Variants in PPP3CA observed in about 807,000 individuals in gnomAD.
PPP3CA encodes the protein CAM-PRP catalytic subunit.
A neutral mutation model predicts 66.5 loss-of-function variants in PPP3CA; 14 were observed. The ratio of observed to expected loss-of-function variants is 0.21; its 90% CI spans 0.14 to 0.33. The LOEUF (loss-of-function observed/expected upper bound fraction) is 0.33. PPP3CA is among the 10% of genes least tolerant of loss of function. The pLI, the probability that PPP3CA is intolerant of heterozygous loss-of-function variation, is 1.00. For missense variants in PPP3CA, 317 were observed against 639.5 expected (o/e 0.50, Z 5.44); for synonymous variants, 232 against 226.2 (o/e 1.03, Z -0.23).
At chr4:101,198,303 C>G (rs1166266787) in intron 1 of PPP3CA, among the ~76,000 whole-genome samples, 1 of 151,964 alleles carries the variant, frequency 6.6e-6, no homozygotes, top group Non-Finnish European at 1.5e-5. Context: ...TTATGCAGGT[C>G]TTTATGTATG....
At chr4:101,217,503 T>C (rs1725494000) in intron 1 of PPP3CA, among the ~76,000 whole-genome samples, 1 of 152,150 alleles carries the variant, frequency 6.6e-6, no homozygotes, top group African/African-American at 2.4e-5. Context: ...TACAGTGTAG[T>C]GTTTACTGGC....
chr4:101,163,174 T>C (rs1527351), intron 2 of PPP3CA, among the ~76,000 whole-genome samples: 60,047 of 152,066 alleles, frequency 0.39, 13,090 homozygotes, highest in African/African-American at 0.58. Context: ...AGGCATTTCC[T>C]GCATTTGTGC....
intron 2 of PPP3CA, among the ~76,000 whole-genome samples, chr4:101,116,655 T>A (rs1017150855): frequency 4.0e-5 from 6 of 151,846 alleles, no homozygotes; most frequent in African/African-American, 1.4e-4. Context: ...AGACAATTAC[T>A]CAGATAAAGG....
At position 101,237,390 on chromosome 4, in the gene PPP3CA, A is replaced by T. The variant is rs559789189; in HGVS notation, c.59-41274T>A. On this transcript the variant is annotated intron_variant, in intron 1 of 13. Coordinates refer to ENST00000394854, the MANE Select transcript of PPP3CA (RefSeq NM_000944.5). ...TGAGTTGAGTATTAATAGGCATTTC[A>T]GTTATTGAGTAGCTAAAACAATGTC... is the stretch of plus-strand genomic sequence containing the variant. 3.2e-4 allele frequency among the ~76,000 whole-genome samples: 49 copies of T among 152,118 alleles called. No individual in the cohort carries two copies. The South Asian group carries it at 1.0e-2, about 31-fold the overall frequency.
intron 1 of PPP3CA, among the ~76,000 whole-genome samples, chr4:101,243,264 C>T (rs985778477): frequency 6.6e-6 from 1 of 152,204 alleles, no homozygotes; most frequent in Non-Finnish European, 1.5e-5. Flanking sequence ...CACACATGCA[C>T]ACATGAACAC....
chr4:101,334,121 T>C (rs759871836), intron 1 of PPP3CA, among the ~76,000 whole-genome samples: 18 of 150,494 alleles, frequency 1.2e-4, no homozygotes, highest in Middle Eastern at 3.2e-3. Context: ...TAAGGACATA[T>C]AGAAAACCAA....
intron 2 of PPP3CA, among the ~76,000 whole-genome samples, chr4:101,126,775 C>T (rs1447647931): frequency 6.6e-6 from 1 of 152,074 alleles, no homozygotes; most frequent in Non-Finnish European, 1.5e-5. Flanking sequence ...ATTCTCATTC[C>T]CAGAAGATCT....
intron 8 of PPP3CA, among the ~76,000 whole-genome samples, chr4:101,076,976 G>A (rs531382592): frequency 6.6e-6 from 1 of 152,324 alleles, no homozygotes; most frequent in Non-Finnish European, 1.5e-5. Flanking sequence ...TGGCAGAGCT[G>A]AGATTCAAAC....
intron 1 of PPP3CA, among the ~76,000 whole-genome samples, chr4:101,203,546 A>C (rs1363036751): frequency 6.6e-6 from 1 of 152,212 alleles, no homozygotes. Context: ...GGTATTAATA[A>C]TTAATTAGAG....
intron 2 of PPP3CA, among the ~76,000 whole-genome samples, chr4:101,143,987 G>A (rs112695279): frequency 0.05 from 7,599 of 152,046 alleles, 243 homozygotes; most frequent in Middle Eastern, 0.11. Flanking sequence ...CATAAACCAG[G>A]GAACTGAAAA....
intron 11 of PPP3CA, 36 bp from the exon 12 acceptor site, chr4:101,032,400 A>G: frequency 6.5e-7 from 1 of 1,537,796 alleles, no homozygotes; most frequent in African/African-American, 1.4e-5. Context: ...TTAACTTTTA[A>G]TTTCTTTTGT....
At chr4:101,163,547 T>C (rs1723589070) in intron 2 of PPP3CA, among the ~76,000 whole-genome samples, 1 of 152,158 alleles carries the variant, frequency 6.6e-6, no homozygotes, top group Non-Finnish European at 1.5e-5. Context: ...CCTTTCTTAT[T>C]CCCACCCTTT....
Position 101,099,718 on chromosome 4 carries a change from A to G in PPP3CA, c.389T>C (p.Val130Ala). 1.3e-6 allele frequency: 2 copies of G among 1,482,230 alleles called. No homozygotes were observed. Among genetic ancestry groups the G allele is most frequent in the Non-Finnish European group, 1.8e-6 (2 of 1,103,028 alleles). 91.8% of individuals were successfully genotyped at this position (1,482,230 alleles called of 1,614,324 possible). The stretch of plus-strand genomic sequence containing the variant: ...AATTTTCAAGGCCCACAAATACAGC[A>G]CACACTGAGAAAAATAAAAATAATA... ...VDRGYFSIEC[V>A]LYLWALKILY... The change falls in exon 4 of 14, where the codon GTG (valine) becomes GCG (alanine). Residue 130 changes from valine to alanine, a missense_variant. This residue lies in a region of PPP3CA where 201 missense variants were observed against 501.4 expected (regional missense o/e 0.40). Coordinates refer to ENST00000394854, the MANE Select transcript of PPP3CA (RefSeq NM_000944.5).
intron 10 of PPP3CA, among the ~76,000 whole-genome samples, chr4:101,050,458 G>A (rs935353267): frequency 2.6e-5 from 4 of 152,122 alleles, no homozygotes; most frequent in Non-Finnish European, 5.9e-5. Context: ...TTTACCAGCT[G>A]TGCTACCTTG....
chr4:101,123,303 G>A (rs1722088655), intron 2 of PPP3CA, among the ~76,000 whole-genome samples: 1 of 152,142 alleles, frequency 6.6e-6, no homozygotes, highest in African/African-American at 2.4e-5. Context: ...AATGGGCATT[G>A]TTCATGGTGG....
chr4:101,208,663 A>G (rs893198983), intron 1 of PPP3CA, among the ~76,000 whole-genome samples: 2 of 152,148 alleles, frequency 1.3e-5, no homozygotes, highest in Non-Finnish European at 2.9e-5. Context: ...ATTTCAATAT[A>G]CTCTCTTTAA....
intron 1 of PPP3CA, among the ~76,000 whole-genome samples, chr4:101,322,264 T>C (rs2110323139): frequency 6.6e-6 from 1 of 152,248 alleles, no homozygotes; most frequent in East Asian, 1.9e-4. Flanking sequence ...AACCATCATC[T>C]TGGAAAATGA....
intron 11 of PPP3CA, among the ~76,000 whole-genome samples, chr4:101,038,996 T>G (rs1440715218): frequency 6.8e-6 from 1 of 146,776 alleles, no homozygotes; most frequent in East Asian, 1.9e-4. Flanking sequence ...CCTCAGAGAC[T>G]TCAGACAGAA....
intron 7 of PPP3CA, among the ~76,000 whole-genome samples, chr4:101,081,910 G>A (rs1380678359): frequency 6.6e-6 from 1 of 152,154 alleles, no homozygotes; most frequent in Non-Finnish European, 1.5e-5. Context: ...TAGACAGAGG[G>A]TGACTATGCC....
Sources: allele counts gnomAD v4.1 joint callset (sites outside exome capture counted in the v4.1 genomes callset), GRCh38; gene constraint gnomAD v4.1.1; regional missense constraint gnomAD v4.1.1; transcripts MANE v1.5; gene names NCBI Gene and HGNC (gene_info 2026-07-23, HGNC 2026-07-21).